Variants in SLCO5A1 observed in about 807,000 individuals in gnomAD.
SLCO5A1 encodes the protein organic anion transporter polypeptide-related protein 4.
SLCO5A1 carries 39 observed loss-of-function variants against 65.1 expected under a neutral mutation model. The ratio of observed to expected loss-of-function variants is 0.60; its 90% confidence interval spans 0.46 to 0.78. The LOEUF (loss-of-function observed/expected upper bound fraction) is 0.78, where lower values mean the gene tolerates loss of function less well. Ranked by LOEUF, SLCO5A1 falls within the 30% of genes least tolerant of loss-of-function variation. SLCO5A1 has a pLI of 0.00. For synonymous variants in SLCO5A1, 438 were observed against 415.7 expected, an observed-to-expected ratio of 1.05 and a Z score of -0.65; for missense variants, 1,029 against 1,069.4, an observed-to-expected ratio of 0.96 and a Z score of 0.53.
intron 3 of SLCO5A1, among the ~76,000 whole-genome samples, chr8:69,756,179 G>T (rs533721975): frequency 1.2e-4 from 19 of 152,214 alleles, no homozygotes; most frequent in African/African-American, 3.6e-4. Context: ...ATCCCAGCAC[G>T]TTGGGAGGCT....
intron 2 of SLCO5A1, among the ~76,000 whole-genome samples, chr8:69,823,137 T>C (rs1820718179): frequency 6.6e-6 from 1 of 152,196 alleles, no homozygotes. Flanking sequence ...AAGGATCACA[T>C]TTTCTCTCTC....
chr8:69,704,961 G>T, intron 6 of SLCO5A1, 70 bp downstream of exon 6: 1 of 1,432,490 alleles, frequency 7.0e-7, no homozygotes, highest in Non-Finnish European at 9.7e-7. Context: ...GCTGACTGCA[G>T]ATGCACAAAC....
chr8:69,819,979 A>AAAAC (rs1207086228), intron 2 of SLCO5A1, among the ~76,000 whole-genome samples: 2 of 152,162 alleles, frequency 1.3e-5, no homozygotes, highest in African/African-American at 4.8e-5. Flanking sequence ...AAAACAAAAC[A>AAAAC]AAACAGTTCT....
intron 2 of SLCO5A1, among the ~76,000 whole-genome samples, chr8:69,778,228 GGTGTGTGT>G (rs71556783): frequency 1.8e-4 from 26 of 142,940 alleles, no homozygotes; most frequent in Non-Finnish European, 2.5e-4. Flanking sequence ...ATATGTATGG[GGTGTGTGT>G]GTGTGTGTGT....
intron 4 of SLCO5A1, 91 bp downstream of exon 4, chr8:69,755,333 A>C: frequency 9.9e-7 from 1 of 1,006,686 alleles, no homozygotes; most frequent in Non-Finnish European, 1.5e-6. Context: ...CTGGCCACAG[A>C]CAGTGGGTAG....
At chr8:69,756,767 G>C (rs948623546) in intron 3 of SLCO5A1, among the ~76,000 whole-genome samples, 1 of 152,236 alleles carries the variant, frequency 6.6e-6, no homozygotes, top group African/African-American at 2.4e-5. Flanking sequence ...ACAGGGAGTA[G>C]AATGAAATTG....
rs764268705 is a variant in SLCO5A1 at position 69,832,619 on chromosome 8, C to G, written c.55G>C (p.Ala19Pro). ...CTCTCTTGGACAGCTTCTGCAGTGG[C>G]CGGCGCCTCCAGCTGCTCTCCCGCC... ...PGAGEQLEAP[A>P]TAEAVQERCE... Residue 19 changes from alanine (A) to proline (P), a missense_variant, in exon 2 of 10, where the codon GCC (alanine) becomes CCC (proline). Coordinates refer to ENST00000260126, the MANE Select transcript of SLCO5A1 (RefSeq NM_030958.3). This position sits in a 1 kb window ranked among gnomAD's most constrained non-coding sequence, Gnocchi z 4.5. 4 of 1,610,510 alleles carry G rather than the reference C, an allele frequency of 2.5e-6. No homozygotes were observed. The highest frequency in any genetic ancestry group is 1.7e-5 in the Admixed American group (1 of 59,954).
At chr8:69,789,914 C>T (rs138473516) in intron 2 of SLCO5A1, among the ~76,000 whole-genome samples, 4 of 151,984 alleles carry the variant, frequency 2.6e-5, no homozygotes, top group East Asian at 3.9e-4. Context: ...GTAATTGGGC[C>T]GGGCACGGTG....
intron 9 of SLCO5A1, among the ~76,000 whole-genome samples, chr8:69,676,264 T>C (rs916806967): frequency 1.3e-5 from 2 of 152,340 alleles, no homozygotes; most frequent in South Asian, 2.1e-4. Context: ...ACTGCTTTCA[T>C]AGTAAAAAGG....
rs116175964 is a variant in SLCO5A1 at position 69,780,717 on chromosome 8, G to A, written c.908-18842C>T. 3.1e-3 allele frequency among the ~76,000 whole-genome samples: 464 copies of A among 152,100 alleles called. 3 individuals carry two copies. The highest frequency in any genetic ancestry group is 0.011 in the African/African-American group (437 of 41,488). Reference sequence around the variant, plus strand: ...TACAATGTATGGTATTTGGGTGATGGATACCCTAAAAGGCCTAATTTCATC... The same window carrying A: ...TACAATGTATGGTATTTGGGTGATGAATACCCTAAAAGGCCTAATTTCATC... On this transcript the variant is annotated intron_variant, in intron 2 of 9. Coordinates refer to ENST00000260126, the MANE Select transcript of SLCO5A1 (RefSeq NM_030958.3).
rs112605282 is a variant in SLCO5A1, at chr8:69,812,471, A to T, written c.907+19296T>A. ...TAATTTACCATTTCTACAAAACTGG[A>T]TGATCTGCAAGGTTTATGTCCTAAA... On this transcript the variant is annotated intron_variant, in intron 2 of 9. Transcript: ENST00000260126. Among the ~76,000 whole-genome samples the T allele has an allele frequency of 7.6e-3, 1,151 of 152,356 alleles. 16 individuals are homozygous for T. The highest frequency in any genetic ancestry group is 0.026 in the African/African-American group (1,091 of 41,574).
At position 69,767,905 on chromosome 8, in the gene SLCO5A1, A is replaced by C. The variant is rs1481414390; in HGVS notation, c.908-6030T>G. Among the ~76,000 whole-genome samples the C allele has an allele frequency of 7.8e-5, 11 of 140,250 alleles. 1 individual carries two copies. The highest frequency in any genetic ancestry group is 2.0e-4 in the East Asian group (1 of 5,118). The allele number at this position is 140,250 out of a possible 152,430, so 92.0% of individuals were successfully genotyped here. A position where few individuals can be genotyped will look rare whatever the true frequency, so the allele number is the denominator to read the frequency against. ...ACTCCATCTCAAAAAAAAAAAAAAAAAAAAAACAAAAAGAAAAAGAAAAAG... is the reference window on the plus strand; with the variant it reads ...ACTCCATCTCAAAAAAAAAAAAAAACAAAAAACAAAAAGAAAAAGAAAAAG... On this transcript the variant is annotated intron_variant, in intron 2 of 9. Coordinates refer to ENST00000260126, the MANE Select transcript of SLCO5A1 (RefSeq NM_030958.3).
chr8:69,723,162 T>C (rs1196456145), intron 5 of SLCO5A1, among the ~76,000 whole-genome samples: 1 of 148,208 alleles, frequency 6.7e-6, no homozygotes, highest in Admixed American at 6.6e-5. Flanking sequence ...ATTAAAACTA[T>C]TTTTTATTCT....
Position 69,832,679 on chromosome 8 carries a change from T to A in SLCO5A1, c.-6A>T. 6.3e-7 allele frequency: 1 copy of A among 1,584,844 alleles called. No individual in the cohort carries two copies. The highest frequency in any genetic ancestry group is 8.5e-7 in the Non-Finnish European group (1 of 1,174,386). On this transcript the variant is annotated 5_prime_UTR_variant, in exon 2 of 10. The change creates a new upstream start codon in the 5' untranslated region. Coordinates refer to ENST00000260126, the MANE Select transcript of SLCO5A1 (RefSeq NM_030958.3). The surrounding 1 kb of genome is among the most constrained non-coding windows in gnomAD (Gnocchi z 4.5). ...AGTCCAGTGCCTTCGTCCATGGCGC[T>A]TAGAATTCAGATTTGATAGCTGATG...
chr8:69,693,968 G>C (rs9650154), intron 6 of SLCO5A1, among the ~76,000 whole-genome samples: 44,108 of 152,186 alleles, frequency 0.29, 6,665 homozygotes, highest in South Asian at 0.38. Context: ...GCAAGGCTCA[G>C]GTGAAAATCT....
chr8:69,819,541 A>T (rs1352430428), intron 2 of SLCO5A1, among the ~76,000 whole-genome samples: 1 of 152,182 alleles, frequency 6.6e-6, no homozygotes, highest in East Asian at 1.9e-4. Flanking sequence ...CATATTTCTC[A>T]ATTAACTCAG....
At chr8:69,764,848 C>A (rs548887415) in intron 2 of SLCO5A1, among the ~76,000 whole-genome samples, 3 of 152,152 alleles carry the variant, frequency 2.0e-5, no homozygotes, top group Non-Finnish European at 4.4e-5. Flanking sequence ...CTTACACACA[C>A]AGACAGGGAA....
intron 4 of SLCO5A1, among the ~76,000 whole-genome samples, chr8:69,753,477 G>A (rs937880219): frequency 6.6e-6 from 1 of 152,160 alleles, no homozygotes; most frequent in Non-Finnish European, 1.5e-5. Flanking sequence ...GTCCAAAAAT[G>A]TGGACAGGGC....
Position 69,829,236 on chromosome 8 carries a change from A to T in SLCO5A1, c.907+2531T>A, listed in dbSNP as rs534008837. ...ACCAAAAATGTTTTGTCTGAATTTGATCAAGCCTCTAGACTGATCTTCTAG... is the reference window on the plus strand; with the variant it reads ...ACCAAAAATGTTTTGTCTGAATTTGTTCAAGCCTCTAGACTGATCTTCTAG... On this transcript the variant is annotated intron_variant, in intron 2 of 9. Coordinates refer to ENST00000260126, the MANE Select transcript of SLCO5A1 (RefSeq NM_030958.3). 5.3e-5 allele frequency among the ~76,000 whole-genome samples: 8 copies of T among 152,310 alleles called. No individual in the cohort carries two copies. In the South Asian group the frequency reaches 1.7e-3, roughly 32 times the overall value.
Sources: gnomAD v4.1 joint callset for allele counts (sites outside exome capture counted in the v4.1 genomes callset) on GRCh38, gnomAD v4.1.1 for gene constraint, Gnocchi (gnomAD v3.1) non-coding constraint, MANE v1.5 for transcripts, NCBI Gene and HGNC (gene_info 2026-07-23, HGNC 2026-07-21) for gene names.